Variants in OCA2 observed in about 807,000 individuals in gnomAD.
The protein encoded by OCA2 is OCA2 melanosomal transmembrane protein.
In OCA2, 77 loss-of-function variants were observed where a neutral mutation model predicts 100.2. That is an observed-to-expected ratio of 0.77 (90% CI 0.64 to 0.93). The LOEUF is 0.93. Among genes scored for constraint, OCA2 ranks in the 40% least tolerant of loss-of-function variants. The pLI, the probability that OCA2 is intolerant of heterozygous loss-of-function variation, is 0.00. For missense variants in OCA2, 1,062 were observed against 1,089.1 expected (o/e 0.98, Z 0.35); for synonymous variants, 432 against 439.2 (o/e 0.98, Z 0.21).
chr15:27,955,107 C>T (rs769257569), intron 17 of OCA2, 51 bp downstream of exon 17: 4 of 1,311,358 alleles, frequency 3.1e-6, no homozygotes, highest in East Asian at 2.3e-5. Context: ...ATCACTCACT[C>T]TCTTCTTGGA....
At chr15:28,032,979 A>T (rs1306910540) in intron 2 of OCA2, among the ~76,000 whole-genome samples, 1 of 152,190 alleles carries the variant, frequency 6.6e-6, no homozygotes, top group Non-Finnish European at 1.5e-5. Flanking sequence ...CAGAATGGCA[A>T]GGAGGAAGCT....
In OCA2 at chr15:27,957,881, AG is replaced by A; in HGVS notation, c.1637-147del. The A allele has an allele frequency of 9.2e-6, 8 of 866,860 alleles. No homozygotes were observed. The Middle Eastern group carries it at 6.4e-4, about 70-fold the overall frequency. 53.7% of individuals were successfully genotyped at this position (866,860 alleles called of 1,614,324 possible). A position where few individuals can be genotyped will look rare whatever the true frequency, so the allele number is the denominator to read the frequency against. On this transcript the variant is annotated intron_variant, in intron 15 of 23. Coordinates refer to ENST00000354638, the MANE Select transcript of OCA2 (RefSeq NM_000275.3). This position sits in a 1 kb window ranked among gnomAD's most constrained non-coding sequence, Gnocchi z 4.3. ...AGCCCAGGGTCACCCAGAGCTTCTC[AG>A]CACCTGAGCTATTGCAATGGAGCCC... is the stretch of plus-strand genomic sequence containing the variant.
rs145533503 is a variant in OCA2 at position 27,990,686 on chromosome 15, C to T, written c.1045-39G>A. 7,932 of 1,578,278 alleles carry T rather than the reference C, an allele frequency of 5.0e-3. 24 individuals are homozygous for T. The highest frequency in any genetic ancestry group is 6.3e-3 in the Non-Finnish European group (7,235 of 1,147,268). ...CAGGAAATTACCGCGTTCCAGTGCA[C>T]GAGGGAGTTAGCACACACGAAAGCC... On this transcript the variant is annotated intron_variant, in intron 9 of 23. Coordinates refer to ENST00000354638, the MANE Select transcript of OCA2 (RefSeq NM_000275.3).
chr15:27,831,284 C>CAAAAAAAAAAAAAAAAAA (rs71132824), intron 23 of OCA2, among the ~76,000 whole-genome samples: 6 of 62,634 alleles, frequency 9.6e-5, no homozygotes, highest in East Asian at 5.3e-4. Context: ...GACTCCGTCT[C>CAAAAAAAAAAAAAAAAAA]AAAAAAAAAA....
chr15:28,056,557 G>A (rs2043704248), intron 2 of OCA2, among the ~76,000 whole-genome samples: 1 of 152,238 alleles, frequency 6.6e-6, no homozygotes, highest in Admixed American at 6.5e-5. Flanking sequence ...GTCCTTTGGG[G>A]TGACGTGGGG....
At chr15:28,092,494 C>T (rs916205235) in intron 1 of OCA2, among the ~76,000 whole-genome samples, 1 of 152,168 alleles carries the variant, frequency 6.6e-6, no homozygotes, top group Non-Finnish European at 1.5e-5. Context: ...GCTGGGACCA[C>T]AGGCACACAC....
chr15:28,013,545 G>A lies in OCA2; in HGVS notation c.1044+1231C>T, dbSNP rs1348432976. Among the ~76,000 whole-genome samples, 6 of 152,162 alleles carry A rather than the reference G, an allele frequency of 3.9e-5. No individual in the cohort carries two copies. In the East Asian group the frequency reaches 9.7e-4, roughly 24 times the overall value. ...GGAGCAGGGATCTTGGTAAGCTGAG[G>A]GTGACCATCTAACCGGCCTCCACAA... On this transcript the variant is annotated intron_variant, in intron 9 of 23. Coordinates refer to ENST00000354638, the MANE Select transcript of OCA2 (RefSeq NM_000275.3).
In OCA2 at chr15:27,959,800, T is replaced by A. The variant is rs577393535; in HGVS notation, c.1637-2065A>T. ...CCTTCATGCACACCCAGCACCTACC[T>A]GCCTTCTAACCCATAAAACCAAAAA... On this transcript the variant is annotated intron_variant, in intron 15 of 23. Transcript: ENST00000354638. 3.9e-5 allele frequency among the ~76,000 whole-genome samples: 6 copies of A among 152,342 alleles called. No individual in the cohort carries two copies. The South Asian group carries it at 8.3e-4, about 21-fold the overall frequency.
the OCA2 span, among the ~76,000 whole-genome samples, chr15:27,745,250 C>T: frequency 6.6e-6 from 1 of 151,976 alleles, no homozygotes; most frequent in South Asian, 2.1e-4. Context: ...GTACAATGCT[C>T]GTGTGTGTAT....
chr15:27,736,890 A>G, the OCA2 span, among the ~76,000 whole-genome samples: 1 of 152,228 alleles, frequency 6.6e-6, no homozygotes, highest in Non-Finnish European at 1.5e-5. Context: ...AGACTGGAAA[A>G]AAAGAAACTT....
intron 2 of OCA2, among the ~76,000 whole-genome samples, chr15:28,067,557 A>C (rs2044064149): frequency 1.3e-5 from 2 of 152,110 alleles, no homozygotes; most frequent in Non-Finnish European, 2.9e-5. Context: ...ATTTTAAATA[A>C]TCATTTTTTA....
the OCA2 span, among the ~76,000 whole-genome samples, chr15:27,749,731 C>T: frequency 9.2e-5 from 14 of 152,076 alleles, no homozygotes; most frequent in East Asian, 2.7e-3. Context: ...AAACACAGTA[C>T]CTTTCTCTTC....
At position 27,972,153 on chromosome 15, in the gene OCA2, ATTC is replaced by A. The variant is rs563138962; in HGVS notation, c.1504-5334_1504-5332del. ...AAGTTGCTGCAAAAGACATTAGTTC[ATTC>A]TTTTTTATGGCTGAGTAGTATTCTA... is the stretch of plus-strand genomic sequence containing the variant. On this transcript the variant is annotated intron_variant, in intron 14 of 23. Transcript: ENST00000354638. Among the ~76,000 whole-genome samples, 120 of 152,320 alleles carry A rather than the reference ATTC, an allele frequency of 7.9e-4. 1 individual carries two copies. The highest frequency in any genetic ancestry group is 2.8e-3 in the African/African-American group (118 of 41,572).
chr15:28,074,029 C>CAG (rs988138345), intron 2 of OCA2, among the ~76,000 whole-genome samples: 11 of 148,266 alleles, frequency 7.4e-5, no homozygotes, highest in African/African-American at 2.8e-4. Context: ...CACACACACA[C>CAG]AGTACAAAAA....
intron 10 of OCA2, 147 bp downstream of exon 10, chr15:27,990,429 T>A: frequency 1.3e-6 from 1 of 796,338 alleles, no homozygotes; most frequent in Non-Finnish European, 2.2e-6. Flanking sequence ...AGCTTGTTAG[T>A]TCATACCTCT....
At chr15:27,897,949 G>A (rs1451117412) in intron 19 of OCA2, among the ~76,000 whole-genome samples, 2 of 152,202 alleles carry the variant, frequency 1.3e-5, no homozygotes, top group Admixed American at 1.3e-4. Flanking sequence ...AGGTCATTTT[G>A]GAGCTTTAAG....
chr15:28,051,869 C>T (rs1409746495), intron 2 of OCA2, among the ~76,000 whole-genome samples: 4 of 152,100 alleles, frequency 2.6e-5, no homozygotes, highest in African/African-American at 9.7e-5. Context: ...TGTTATCTTT[C>T]CTATAGCCTT....
chr15:27,753,969 A>C (rs1478014066), downstream of OCA2, among the ~76,000 whole-genome samples: 1 of 151,860 alleles, frequency 6.6e-6, no homozygotes, highest in Non-Finnish European at 1.5e-5. Context: ...ATAGAAGAGG[A>C]AACAGTGCTT....
rs769370108 is a variant in OCA2, at chr15:27,851,393, G to A, written c.2327C>T (p.Ala776Val). Reference sequence around the variant, plus strand: ...CAGCAGCCCCTTACCTCCCAGGCAAGCACCGAAGGCCAGGGCATACATGAG... The same window carrying A: ...CAGCAGCCCCTTACCTCCCAGGCAAACACCGAAGGCCAGGGCATACATGAG... ...PPLMYALAFG[A>V]CLGGNGTLIG... Residue 776 changes from alanine (A) to valine (V), a missense_variant, in exon 22 of 24, where the codon GCT becomes GTT. Ala to Val is a moderately conservative substitution (Grantham distance 64). Transcript: ENST00000354638. 2.5e-6 allele frequency: 4 copies of A among 1,613,702 alleles called. No homozygotes were observed. The East Asian group carries it at 6.7e-5, about 27-fold the overall frequency.
Sources: allele counts gnomAD v4.1 joint callset (sites outside exome capture counted in the v4.1 genomes callset), GRCh38; gene constraint gnomAD v4.1.1; non-coding constraint Gnocchi (gnomAD v3.1); transcripts MANE v1.5; gene names NCBI Gene and HGNC (gene_info 2026-07-23, HGNC 2026-07-21).